ARHGEF3: variants seen among roughly 807,000 people sequenced by gnomAD.
ARHGEF3 encodes 59.8 kDA protein.
ARHGEF3 carries 28 observed loss-of-function variants against 63.2 expected under a neutral mutation model. The observed-to-expected ratio is 0.44, with a 90% CI of 0.33 to 0.61. The LOEUF is 0.61. Among genes scored for constraint, ARHGEF3 ranks in the 20% least tolerant of loss-of-function variants. ARHGEF3 has a pLI of 0.03. For missense variants in ARHGEF3, 533 were observed against 659.3 expected (o/e 0.81, Z 2.10); for synonymous variants, 266 against 254.2 (o/e 1.05, Z -0.44).
chr3:56,992,694 C>G (rs935193561), intron 2 of ARHGEF3, among the ~76,000 whole-genome samples: 4 of 152,228 alleles, frequency 2.6e-5, no homozygotes, highest in African/African-American at 4.8e-5. Flanking sequence ...CCTCTGTGAA[C>G]ATGAGCTGCT....
intron 4 of ARHGEF3, among the ~76,000 whole-genome samples, chr3:56,855,327 C>T (rs2039831234): frequency 6.6e-6 from 1 of 152,172 alleles, no homozygotes; most frequent in Non-Finnish European, 1.5e-5. Context: ...TTCAAATACA[C>T]GTTTGCTAAC....
intron 2 of ARHGEF3, among the ~76,000 whole-genome samples, chr3:56,979,633 G>C (rs13074893): frequency 0.13 from 20,158 of 152,276 alleles, 1,787 homozygotes; most frequent in Non-Finnish European, 0.19. Context: ...CACGACTGCA[G>C]GTGGTGCTTA....
rs531281066 is a variant in ARHGEF3 at position 56,773,278 on chromosome 3, CA to C, written c.204+430del. Among the ~76,000 whole-genome samples, 138 of 152,282 alleles carry C rather than the reference CA, an allele frequency of 9.1e-4. 1 individual carries two copies. The highest frequency in any genetic ancestry group is 3.2e-3 in the African/African-American group (132 of 41,552). ...CCCAAGAATTTTAAAAAGTAAAAAT[CA>C]GGCTTAGCTTGTGAGCCATAAAAAA... On this transcript the variant is annotated intron_variant, in intron 2 of 9. Coordinates refer to ENST00000296315, the MANE Select transcript of ARHGEF3 (RefSeq NM_019555.3).
At chr3:57,058,647 A>G (rs138268157) in intron 1 of ARHGEF3, among the ~76,000 whole-genome samples, 16,026 of 152,212 alleles carry the variant, frequency 0.11, 1,073 homozygotes, top group East Asian at 0.29. Flanking sequence ...TACTGGGTAT[A>G]TACCCAAAGG....
rs530221415 is a variant in ARHGEF3, at chr3:57,020,519, G to A, written c.62+14569C>T. ...TCCACCCCCGAGTTCCAGAGTTCCAGGAGAGAGCACGAAGCCCACGTTGTG... is the reference window on the plus strand; with the variant it reads ...TCCACCCCCGAGTTCCAGAGTTCCAAGAGAGAGCACGAAGCCCACGTTGTG... On this transcript the variant is annotated intron_variant, in intron 2 of 12. Transcript: ENST00000338458. Among the ~76,000 whole-genome samples the A allele has an allele frequency of 2.0e-5, 3 of 152,306 alleles. No homozygotes were observed. In the East Asian group the frequency reaches 5.8e-4, roughly 29 times the overall value.
intron 1 of ARHGEF3, among the ~76,000 whole-genome samples, chr3:57,051,748 G>C (rs930717893): frequency 2.4e-4 from 36 of 152,004 alleles, no homozygotes; most frequent in African/African-American, 8.5e-4. Context: ...TGGATCACCT[G>C]AGGTCAGGAG....
intron 6 of ARHGEF3, among the ~76,000 whole-genome samples, chr3:56,746,720 ACT>A (rs371164998): frequency 3.3e-4 from 50 of 151,930 alleles, no homozygotes; most frequent in African/African-American, 1.2e-3. Context: ...ACAGAGTGAG[ACT>A]CTGTCTCAAA....
chr3:56,743,435 T>G (rs1055115927), intron 7 of ARHGEF3, among the ~76,000 whole-genome samples: 1 of 152,194 alleles, frequency 6.6e-6, no homozygotes, highest in Non-Finnish European at 1.5e-5. Context: ...GAGTCTACAC[T>G]GACAGGGTTT....
chr3:56,767,305 G>A (rs762518464), intron 2 of ARHGEF3, among the ~76,000 whole-genome samples: 3 of 151,198 alleles, frequency 2.0e-5, no homozygotes, highest in East Asian at 2.0e-4. Context: ...ACATGCGGCC[G>A]GGCGCGGTGG....
intron 3 of ARHGEF3, among the ~76,000 whole-genome samples, chr3:56,928,758 G>T (rs2042339200): frequency 6.6e-6 from 1 of 152,176 alleles, no homozygotes; most frequent in Non-Finnish European, 1.5e-5. Context: ...CCAAGAAACA[G>T]CCAGGGTTGA....
chr3:56,775,226 G>A, intron 1 of ARHGEF3: 1 of 1,368,268 alleles, frequency 7.3e-7, no homozygotes, highest in African/African-American at 1.5e-5. Context: ...TCCCCGTTCT[G>A]AACATAGTAG....
intron 4 of ARHGEF3, among the ~76,000 whole-genome samples, chr3:56,812,252 A>G (rs1213757707): frequency 6.6e-6 from 1 of 152,262 alleles, no homozygotes; most frequent in East Asian, 1.9e-4. Context: ...GGGCTGTTTG[A>G]AATTTTGAAA....
At chr3:56,787,613 C>G (rs959768722) in intron 1 of ARHGEF3, among the ~76,000 whole-genome samples, 2 of 152,014 alleles carry the variant, frequency 1.3e-5, no homozygotes, top group African/African-American at 4.8e-5. Context: ...CCAAGTCATA[C>G]CCAGTAATTA....
intron 2 of ARHGEF3, among the ~76,000 whole-genome samples, chr3:57,017,030 T>TCACACACA (rs1361265165): frequency 4.4e-5 from 3 of 67,806 alleles, no homozygotes; most frequent in African/African-American, 8.8e-5. Context: ...TCTCTCTCTC[T>TCACACACA]CTCACACACA....
intron 3 of ARHGEF3, among the ~76,000 whole-genome samples, chr3:56,920,816 G>A (rs1323155300): frequency 6.6e-6 from 1 of 152,160 alleles, no homozygotes; most frequent in African/African-American, 2.4e-5. Flanking sequence ...ACTTTGGGAG[G>A]CCGAGGCGGG....
At chr3:56,850,528 T>TAAACA (rs146781278) in intron 4 of ARHGEF3, among the ~76,000 whole-genome samples, 1,579 of 152,246 alleles carry the variant, frequency 0.01, 28 homozygotes, top group African/African-American at 0.036. Context: ...AACTCTTGTC[T>TAAACA]AAACAAAACA....
chr3:56,972,531 G>C (rs1467840885), intron 2 of ARHGEF3, among the ~76,000 whole-genome samples: 1 of 152,084 alleles, frequency 6.6e-6, no homozygotes, highest in Non-Finnish European at 1.5e-5. Flanking sequence ...GACAAAGCAG[G>C]GTAGGGGATC....
intron 1 of ARHGEF3, among the ~76,000 whole-genome samples, chr3:56,798,947 G>C (rs2037505155): frequency 6.6e-6 from 1 of 152,074 alleles, no homozygotes; most frequent in Non-Finnish European, 1.5e-5. Flanking sequence ...AGAAATAGCA[G>C]ATTAAGAGGC....
At chr3:56,993,857 G>A (rs973813854) in intron 2 of ARHGEF3, among the ~76,000 whole-genome samples, 2 of 151,002 alleles carry the variant, frequency 1.3e-5, no homozygotes, top group Non-Finnish European at 3.0e-5. Flanking sequence ...GAGGTCAGAA[G>A]TTCAAGACCA....
Sources: gnomAD v4.1 joint callset for allele counts (sites outside exome capture counted in the v4.1 genomes callset) on GRCh38, gnomAD v4.1.1 for gene constraint, MANE v1.5 for transcripts, NCBI Gene and HGNC (gene_info 2026-07-23, HGNC 2026-07-21) for gene names.